The following SLIT3 variants were observed in gnomAD, a reference collection of about 807,000 sequenced individuals.
The protein encoded by SLIT3 is slit homolog 3 protein.
Under a neutral mutation model 184.0 loss-of-function variants are expected in SLIT3, and 68 were observed. That is an observed-to-expected ratio of 0.37 (90% CI 0.30 to 0.45). The LOEUF (loss-of-function observed/expected upper bound fraction) is 0.45, where lower values mean the gene tolerates loss of function less well. Among genes scored for constraint, SLIT3 ranks in the 20% least tolerant of loss-of-function variants. The pLI is 1.00. For synonymous variants in SLIT3, 831 were observed against 828.6 expected, an observed-to-expected ratio of 1.00 and a Z score of -0.05; for missense variants, 1,707 against 2,026.0, an observed-to-expected ratio of 0.84 and a Z score of 3.02.
At chr5:168,786,360 C>A (rs558747041) in intron 11 of SLIT3, among the ~76,000 whole-genome samples, 12 of 152,302 alleles carry the variant, frequency 7.9e-5, no homozygotes, top group African/African-American at 2.9e-4. Context: ...TATTGATCAG[C>A]TTGAGCCCAG....
intron 4 of SLIT3, among the ~76,000 whole-genome samples, chr5:169,081,988 C>T (rs182316328): frequency 6.6e-6 from 1 of 152,220 alleles, no homozygotes; most frequent in South Asian, 2.1e-4. Flanking sequence ...GACTCCAGAC[C>T]CCCCCACAGC....
Position 168,692,641 on chromosome 5 carries a change from C to G in SLIT3, c.3142G>C (p.Glu1048Gln). The stretch of plus-strand genomic sequence containing the variant: ...TTGTCCAGGGGGATGCACTTGGCCT[C>G]ATGCTGACAGAGGTTCAGCTCAGGC... ...CVPELNLCQH[E>Q]AKCIPLDKGF... Residue 1048 changes from glutamate to glutamine, a missense_variant, in exon 29 of 36, where the codon GAG becomes CAG. By Grantham distance (29) the Glu-to-Gln change is conservative. Around this residue, in one of 3 missense-constraint regions of SLIT3, gnomAD observed 1,307 missense variants for 1,511.6 expected, o/e 0.86. Transcript: ENST00000519560. The G allele has an allele frequency of 6.2e-7, 1 of 1,614,086 alleles. No homozygotes were observed. The highest frequency in any genetic ancestry group is 8.5e-7 in the Non-Finnish European group (1 of 1,179,966).
Position 169,254,284 on chromosome 5 carries a change from GC to G in SLIT3, c.198-2826del, listed in dbSNP as rs747259672. Among the ~76,000 whole-genome samples, 4 of 152,126 alleles carry G rather than the reference GC, an allele frequency of 2.6e-5. No individual in the cohort carries two copies. In the East Asian group the frequency reaches 5.8e-4, roughly 22 times the overall value. On this transcript the variant is annotated intron_variant, in intron 1 of 35. Transcript: ENST00000519560. ...GGAGAGGCTGCCTGTCCCAAGGCCAGCCCCCACTGTCCCGGCCCAGGCTCCT... is the reference window on the plus strand; with the variant it reads ...GGAGAGGCTGCCTGTCCCAAGGCCAGCCCCACTGTCCCGGCCCAGGCTCCT...
At position 168,662,288 on chromosome 5, in the gene SLIT3, G is replaced by A. The variant is rs938247691; in HGVS notation, c.*4166C>T. ...CTCTGGTATCTGGGATCTTGAGTCT[G>A]AGGGGCAGGTCACTTGTTGCTATGG... On this transcript the variant is annotated 3_prime_UTR_variant, in exon 36 of 36. Transcript: ENST00000519560. 6.6e-6 allele frequency: 1 copy of A among 152,236 alleles called. No individual in the cohort carries two copies. Among genetic ancestry groups the A allele is most frequent in the Non-Finnish European group, 1.5e-5 (1 of 68,060 alleles). The allele number at this position is 152,236 out of a possible 1,614,324, so 9.4% of individuals were successfully genotyped here.
chr5:169,118,003 CT>C (rs1365211989), intron 4 of SLIT3, among the ~76,000 whole-genome samples: 1 of 152,146 alleles, frequency 6.6e-6, no homozygotes, highest in Non-Finnish European at 1.5e-5. Context: ...TGCCTTTTGC[CT>C]TCCCACTTGA....
At chr5:169,011,874 C>T (rs943227474) in intron 4 of SLIT3, among the ~76,000 whole-genome samples, 10 of 151,494 alleles carry the variant, frequency 6.6e-5, no homozygotes, top group African/African-American at 2.2e-4. Flanking sequence ...TATAGCACTG[C>T]CCACTTTGAT....
chr5:168,709,413 T>C (rs1762478395), intron 25 of SLIT3, among the ~76,000 whole-genome samples: 1 of 152,144 alleles, frequency 6.6e-6, no homozygotes, highest in Admixed American at 6.5e-5. Context: ...GCAGTGCTTT[T>C]AAAAGTCCCC....
At chr5:168,857,652 T>C (rs904590809) in intron 5 of SLIT3, among the ~76,000 whole-genome samples, 2 of 152,208 alleles carry the variant, frequency 1.3e-5, no homozygotes, top group Non-Finnish European at 2.9e-5. Context: ...ATAGGTACTG[T>C]CTGAGGAGTC....
rs114953019 is a variant in SLIT3 at position 168,980,029 on chromosome 5, T to C, written c.414-96693A>G. Among the ~76,000 whole-genome samples the C allele has an allele frequency of 3.5e-3, 533 of 152,082 alleles. 4 individuals are homozygous for C. Among genetic ancestry groups the C allele is most frequent in the African/African-American group, 0.012 (506 of 41,478 alleles). On this transcript the variant is annotated intron_variant, in intron 4 of 35. Coordinates refer to ENST00000519560, the MANE Select transcript of SLIT3 (RefSeq NM_003062.4). ...GCTCCTGGGATTTCAGAACCAGACA[T>C]TGTCATCCTGTTCACCAAGCAGCAA... is the stretch of plus-strand genomic sequence containing the variant.
intron 4 of SLIT3, among the ~76,000 whole-genome samples, chr5:169,102,122 G>A (rs1019196751): frequency 6.6e-6 from 1 of 152,220 alleles, no homozygotes; most frequent in African/African-American, 2.4e-5. Flanking sequence ...TGGAGGGCAG[G>A]CAATTTGCCC....
chr5:168,773,515 C>CTG (rs374204369), intron 13 of SLIT3, among the ~76,000 whole-genome samples: 80 of 152,266 alleles, frequency 5.3e-4, no homozygotes, highest in Middle Eastern at 6.8e-3. Context: ...GCTGCTCCTA[C>CTG]TGTGTCTTGG....
Position 168,671,294 on chromosome 5 carries a change from C to T in SLIT3, c.4031G>A (p.Arg1344His), listed in dbSNP as rs776587669. 2.2e-5 allele frequency: 35 copies of T among 1,613,728 alleles called. No homozygotes were observed. Among genetic ancestry groups the T allele is most frequent in the South Asian group, 7.7e-5 (7 of 91,064 alleles). ...CACCACGCTGTCCTTCTCCACGGAG[C>T]GGCACAGGCCGTGCTTGCACACGGT... ...SCTVCKHGLC[R>H]SVEKDSVVCE... The change falls in exon 34 of 36, where the codon CGC (arginine) becomes CAC (histidine). Residue 1344 changes from arginine (R) to histidine (H), a missense_variant. By Grantham distance (29) the Arg-to-His change is conservative. This residue lies in a region of SLIT3 where 387 missense variants were observed against 477.9 expected (regional missense o/e 0.81). Coordinates refer to ENST00000519560, the MANE Select transcript of SLIT3 (RefSeq NM_003062.4).
intron 4 of SLIT3, among the ~76,000 whole-genome samples, chr5:168,909,845 G>T (rs775790826): frequency 1.9e-4 from 29 of 152,122 alleles, no homozygotes; most frequent in Non-Finnish European, 3.1e-4. Flanking sequence ...AAGATCTCCG[G>T]ACTTATCTCT....
chr5:168,675,736 A>C (rs1029207542), intron 32 of SLIT3, among the ~76,000 whole-genome samples: 22 of 152,188 alleles, frequency 1.4e-4, no homozygotes, highest in African/African-American at 5.1e-4. Context: ...GCGCTTTGTC[A>C]ATTACTGGGA....
rs755184661 is a variant in SLIT3, at chr5:168,670,041, G to T, written c.4128-50C>A. ...AGGGAACTGGATCAGAGTTGGTGCT[G>T]CTGGGGACTCCCTCTGTCCACCCAG... is the stretch of plus-strand genomic sequence containing the variant. On this transcript the variant is annotated intron_variant, in intron 34 of 35. Coordinates refer to ENST00000519560, the MANE Select transcript of SLIT3 (RefSeq NM_003062.4). 23 of 1,528,662 alleles carry T rather than the reference G, an allele frequency of 1.5e-5. No individual in the cohort carries two copies. In the South Asian group the frequency reaches 1.6e-4, roughly 11 times the overall value. 94.7% of individuals were successfully genotyped at this position (1,528,662 alleles called of 1,614,324 possible).
At chr5:169,207,370 TACACACACACACACACACACACAC>T (rs56721949) in intron 3 of SLIT3, among the ~76,000 whole-genome samples, 3 of 131,864 alleles carry the variant, frequency 2.3e-5, no homozygotes, top group Admixed American at 7.6e-5. Flanking sequence ...TACACATACA[TACACACACACACACACACACACAC>T]ACACACACAC....
At position 168,914,676 on chromosome 5, in the gene SLIT3, ACTTCTCTTTTCTGTACTGTG is replaced by A. The variant is rs1273243051; in HGVS notation, c.414-31360_414-31341del. 3.9e-5 allele frequency among the ~76,000 whole-genome samples: 6 copies of A among 152,182 alleles called. No individual in the cohort carries two copies. In the South Asian group the frequency reaches 6.2e-4, roughly 16 times the overall value. On this transcript the variant is annotated intron_variant, in intron 4 of 35. Transcript: ENST00000519560. ...ACTTCTGTACTCTTTTCCGTAGCGTACTTCTCTTTTCTGTACTGTGCTTCTCTTTTCTGTACTGTAATTTC... is the reference window on the plus strand; with the variant it reads ...ACTTCTGTACTCTTTTCCGTAGCGTACTTCTCTTTTCTGTACTGTAATTTC...
At chr5:168,778,790 C>A (rs982401593) in intron 12 of SLIT3, among the ~76,000 whole-genome samples, 1 of 152,202 alleles carries the variant, frequency 6.6e-6, no homozygotes. Flanking sequence ...GGCTGCCTGG[C>A]GCTCAAACTG....
intron 1 of SLIT3, chr5:169,263,517 C>T (rs1280879084): frequency 2.4e-6 from 1 of 409,410 alleles, no homozygotes; most frequent in Non-Finnish European, 4.8e-6. Context: ...GAGCCTGGCC[C>T]TGATGACACC....
Sources: gnomAD v4.1 joint callset for allele counts (sites outside exome capture counted in the v4.1 genomes callset) on GRCh38, gnomAD v4.1.1 for gene constraint, gnomAD v4.1.1 regional missense constraint, MANE v1.5 for transcripts, NCBI Gene and HGNC (gene_info 2026-07-23, HGNC 2026-07-21) for gene names.